PIEZO1: variants seen among roughly 807,000 people sequenced by gnomAD.
The protein encoded by PIEZO1 is piezo-type mechanosensitive ion channel component 1.
In PIEZO1, 296 loss-of-function variants were observed where a neutral mutation model predicts 297.2. The ratio of observed to expected loss-of-function variants is 1.00; its 90% CI spans 0.91 to 1.10. PIEZO1 has a LOEUF of 1.10. Among genes scored for constraint, PIEZO1 ranks in the 50% least tolerant of loss-of-function variants. PIEZO1 has a pLI of 0.00. For synonymous variants in PIEZO1, 2,427 were observed against 1,507.5 expected (o/e 1.61, Z -14.13); for missense variants, 5,018 against 3,455.5 (o/e 1.45, Z -11.34).
chr16:88,715,651 T>C lies in PIEZO1; in HGVS notation c.7520A>G (p.Tyr2507Cys), dbSNP rs1911947193. 1 of 1,550,096 alleles carries C rather than the reference T, an allele frequency of 6.5e-7. No homozygotes were observed. Among genetic ancestry groups the C allele is most frequent in the Non-Finnish European group, 8.7e-7 (1 of 1,146,884 alleles). The change falls in exon 51 of 51, where the codon TAC becomes TGC. Residue 2507 changes from tyrosine (Y) to cysteine (C), a missense_variant. By Grantham distance (194) the Tyr-to-Cys change is radical (BLOSUM62 -2). Transcript: ENST00000301015. Reference protein sequence around the residue: ...EELYAKLIFLYRSPETMIKWT... With the variant: ...EELYAKLIFLCRSPETMIKWT... ...CTTGATCATGGTCTCCGGTGAGCGG[T>C]AGAGGAAGATGAGCTTGGCGTACAA...
intron 1 of PIEZO1, among the ~76,000 whole-genome samples, chr16:88,758,815 G>A (rs994059533): frequency 3.9e-5 from 6 of 152,194 alleles, no homozygotes; most frequent in African/African-American, 4.8e-5. Context: ...CAGGATTGTC[G>A]CAGAGACAAC....
intron 1 of PIEZO1, among the ~76,000 whole-genome samples, chr16:88,776,462 G>A (rs1013616794): frequency 7.9e-5 from 12 of 152,042 alleles, no homozygotes; most frequent in Admixed American, 7.9e-4. Context: ...ATGAGACGCA[G>A]GGCCAGGACC....
rs145152717 is a variant in PIEZO1 at position 88,762,773 on chromosome 16, G to A, written c.65-13294C>T. On this transcript the variant is annotated intron_variant, in intron 1 of 50. Transcript: ENST00000301015. ...GCTTACAGGGCACTGTGTGGACAGT[G>A]TGGCCTCCCACAGCTTCAGCCGCCC... 1.5e-4 allele frequency among the ~76,000 whole-genome samples: 23 copies of A among 152,316 alleles called. No homozygotes were observed. The East Asian group carries it at 4.2e-3, about 28-fold the overall frequency.
In PIEZO1 at chr16:88,724,531, CAAAA is replaced by C. The variant is rs374217979; in HGVS notation, c.4234+474_4234+477del. The stretch of plus-strand genomic sequence containing the variant: ...GGGCGACAGGGCAAGACACCGTCTC[CAAAA>C]AAAAAAAAAAAAGGCCTGGAGTGGG... On this transcript the variant is annotated intron_variant, in intron 30 of 50. Coordinates refer to ENST00000301015, the MANE Select transcript of PIEZO1 (RefSeq NM_001142864.4). Among the ~76,000 whole-genome samples, 10 of 99,444 alleles carry C rather than the reference CAAAA, an allele frequency of 1.0e-4. 2 individuals carry two copies. Among genetic ancestry groups the C allele is most frequent in the Non-Finnish European group, 6.4e-5 (3 of 46,910 alleles). 65.2% of individuals were successfully genotyped at this position (99,444 alleles called of 152,430 possible). A position where few individuals can be genotyped will look rare whatever the true frequency, so the allele number is the denominator to read the frequency against.
At chr16:88,780,858 G>C (rs1037553398) in intron 1 of PIEZO1, among the ~76,000 whole-genome samples, 2 of 152,252 alleles carry the variant, frequency 1.3e-5, no homozygotes, top group African/African-American at 2.4e-5. Flanking sequence ...TCAGGAGGCT[G>C]AGGCAGGAGG....
chr16:88,731,697 G>GC lies in PIEZO1; in HGVS notation c.3196+8dup. ...AAGCCCACTCCCACCCAAGCCACGT[G>GC]CCCCTCACCAATGCACAGGGCCGGG... On this transcript the variant is annotated intron_variant, in intron 22 of 50. Coordinates refer to ENST00000301015, the MANE Select transcript of PIEZO1 (RefSeq NM_001142864.4). 1 of 1,547,844 alleles carries GC rather than the reference G, an allele frequency of 6.5e-7. No homozygotes were observed. Among genetic ancestry groups the GC allele is most frequent in the Non-Finnish European group, 8.7e-7 (1 of 1,145,548 alleles).
intron 21 of PIEZO1, 121 bp downstream of exon 21, chr16:88,732,214 C>T (rs1460774617): frequency 1.2e-6 from 1 of 826,590 alleles, no homozygotes; most frequent in Non-Finnish European, 1.9e-6. Flanking sequence ...CTGAGTCCCC[C>T]ACCCTCTGTG....
chr16:88,737,265 C>T (rs975848879), intron 10 of PIEZO1: 5 of 376,054 alleles, frequency 1.3e-5, no homozygotes, highest in Non-Finnish European at 2.5e-5. Flanking sequence ...TAGCCACATT[C>T]TCTGGGGAGG....
At chr16:88,720,569 G>GGC in intron 40 of PIEZO1, 37 bp from the exon 41 acceptor site, 1 of 1,216,692 alleles carries the variant, frequency 8.2e-7, no homozygotes, top group Non-Finnish European at 1.1e-6. Flanking sequence ...CCCAGTACCC[G>GGC]CCTCCCCACC....
At chr16:88,760,227 G>A (rs1018748370) in intron 1 of PIEZO1, among the ~76,000 whole-genome samples, 8 of 152,266 alleles carry the variant, frequency 5.3e-5, no homozygotes, top group African/African-American at 1.2e-4. Flanking sequence ...CCGCTCCCCC[G>A]GGGCGCTGGA....
rs188761308 is a variant in PIEZO1, at chr16:88,726,968, C to A, written c.3456-10G>T. 6.5e-7 allele frequency: 1 copy of A among 1,550,142 alleles called. No individual in the cohort carries two copies. The highest frequency in any genetic ancestry group is 2.4e-5 in the East Asian group (1 of 40,902). ...CATGTCAAGGTAGGACCTGCCAGGC[C>A]GGAGCGTCAGGGCGGGCGCCCCGGC... On this transcript the variant is annotated splice_polypyrimidine_tract_variant and intron_variant, in intron 24 of 50. Coordinates refer to ENST00000301015, the MANE Select transcript of PIEZO1 (RefSeq NM_001142864.4).
chr16:88,733,594 C>T lies in PIEZO1; in HGVS notation c.2481G>A (p.Leu827=), dbSNP rs1295419635. ...LVALYTVWVA[L]KEVSVMNLLL... is the part of the protein sequence containing the mutation. ...AGTTGCCTGCCACACTCACCTCCTTCAGGGCCACCCAGACGGTGTACAGGG... is the reference window on the plus strand; with the variant it reads ...AGTTGCCTGCCACACTCACCTCCTTTAGGGCCACCCAGACGGTGTACAGGG... The change falls in exon 18 of 51, where the codon CTG becomes CTA. Residue 827 remains leucine (L), a synonymous_variant. Coordinates refer to ENST00000301015, the MANE Select transcript of PIEZO1 (RefSeq NM_001142864.4). The T allele has an allele frequency of 9.1e-6, 14 of 1,542,792 alleles. No homozygotes were observed. The highest frequency in any genetic ancestry group is 1.2e-5 in the Non-Finnish European group (14 of 1,141,938).
At chr16:88,744,947 G>C (rs1426727852) in intron 2 of PIEZO1, 1 of 152,188 alleles carries the variant, frequency 6.6e-6, no homozygotes, top group Non-Finnish European at 1.5e-5. Flanking sequence ...GAGCGGGGAG[G>C]TGCACACAGA....
intron 22 of PIEZO1, among the ~76,000 whole-genome samples, chr16:88,728,444 G>A (rs1904610828): frequency 6.6e-6 from 1 of 150,440 alleles, no homozygotes; most frequent in Non-Finnish European, 1.5e-5. Flanking sequence ...AGCCCCATCT[G>A]CCACAGAGGG....
intron 2 of PIEZO1, chr16:88,742,686 C>T (rs1293623470): frequency 4.1e-6 from 2 of 486,024 alleles, no homozygotes; most frequent in South Asian, 2.3e-5. Context: ...GAAAAGGCCT[C>T]CCAGGCTCAG....
intron 1 of PIEZO1, among the ~76,000 whole-genome samples, chr16:88,769,948 C>T (rs1907347489): frequency 6.6e-6 from 1 of 152,180 alleles, no homozygotes; most frequent in South Asian, 2.1e-4. Context: ...TGCCACATGG[C>T]GGGGCAGCAG....
Position 88,715,601 on chromosome 16 carries a change from G to A in PIEZO1, c.*4C>T, listed in dbSNP as rs142386387. ...CCTTCCCTCTCGGGCGCCAGCAGCA[G>A]CTCCTACTCCTTCTCACGAGTCCAC... is the stretch of plus-strand genomic sequence containing the variant. On this transcript the variant is annotated 3_prime_UTR_variant, in exon 51 of 51. Coordinates refer to ENST00000301015, the MANE Select transcript of PIEZO1 (RefSeq NM_001142864.4). The A allele has an allele frequency of 4.8e-5, 75 of 1,548,872 alleles. 1 individual carries two copies. The East Asian group carries it at 1.7e-3, about 35-fold the overall frequency.
At chr16:88,782,756 G>A (rs1315191993) in intron 1 of PIEZO1, among the ~76,000 whole-genome samples, 4 of 152,194 alleles carry the variant, frequency 2.6e-5, no homozygotes, top group African/African-American at 4.8e-5. Flanking sequence ...TCCCACCTCC[G>A]GCCAGGCCAG....
In PIEZO1 at chr16:88,720,177, C is replaced by A; in HGVS notation, c.6056G>T (p.Arg2019Leu). 6.4e-7 allele frequency: 1 copy of A among 1,550,496 alleles called. No homozygotes were observed. ...CACGGTCTTGCGCAGGTAGAGGGCG[C>A]GGTCAACCACCATGGTACTGAACTG... ...LIQFSTMVVD[R>L]ALYLRKTVLG... The change falls in exon 42 of 51, where the codon CGC becomes CTC. Residue 2019 changes from arginine to leucine, a missense_variant. Arg to Leu is a moderately radical substitution (Grantham distance 102, BLOSUM62 -2). Transcript: ENST00000301015.
Sources: allele counts gnomAD v4.1 joint callset (sites outside exome capture counted in the v4.1 genomes callset), GRCh38; gene constraint gnomAD v4.1.1; transcripts MANE v1.5; gene names NCBI Gene and HGNC (gene_info 2026-07-23, HGNC 2026-07-21).